Variants in HS1BP3 observed in about 807,000 individuals in gnomAD.
HS1BP3 encodes HCLS1 binding protein 3.
HS1BP3 carries 32 observed loss-of-function variants against 33.5 expected under a neutral mutation model. The ratio of observed to expected loss-of-function variants is 0.95; its 90% CI spans 0.72 to 1.28. HS1BP3 has a LOEUF of 1.28. Among genes scored for constraint, HS1BP3 ranks in the 50% most tolerant of loss-of-function variants. The pLI is 0.00. For synonymous variants in HS1BP3, 187 were observed against 209.2 expected (o/e 0.89, Z 0.92); for missense variants, 486 against 502.3 (o/e 0.97, Z 0.31).
At chr2:20,571,446 A>G (rs1693271576) in intron 5 of HS1BP3, among the ~76,000 whole-genome samples, 1 of 151,528 alleles carries the variant, frequency 6.6e-6, no homozygotes, top group South Asian at 2.1e-4. Context: ...CCTGCCGAAC[A>G]CTCCCCACAT....
intron 2 of HS1BP3, among the ~76,000 whole-genome samples, chr2:20,601,417 C>T (rs193155034): frequency 3.0e-4 from 45 of 152,270 alleles, no homozygotes; most frequent in African/African-American, 1.1e-3. Context: ...ACTAAGAGAA[C>T]GCAGATCTGA....
At chr2:20,578,922 C>G (rs1693464359) in intron 5 of HS1BP3, among the ~76,000 whole-genome samples, 1 of 152,230 alleles carries the variant, frequency 6.6e-6, no homozygotes. Flanking sequence ...TTAAAAATAG[C>G]CTCAGTACTA....
intron 5 of HS1BP3, among the ~76,000 whole-genome samples, chr2:20,563,335 C>T (rs1693048611): frequency 6.6e-6 from 1 of 152,242 alleles, no homozygotes; most frequent in African/African-American, 2.4e-5. Flanking sequence ...CCCTTGGTTC[C>T]CAGTGCAGGC....
chr2:20,624,091 G>T (rs1188778456), intron 5 of HS1BP3, 60 bp from the exon 6 acceptor site: 2 of 1,568,298 alleles, frequency 1.3e-6, no homozygotes, highest in Non-Finnish European at 1.7e-6. Flanking sequence ...TGCCATGGCT[G>T]CTCTCTCTCT....
chr2:20,571,527 T>C (rs1039780766), intron 5 of HS1BP3, among the ~76,000 whole-genome samples: 4 of 152,100 alleles, frequency 2.6e-5, no homozygotes, highest in Non-Finnish European at 5.9e-5. Context: ...CCTCCAAAGG[T>C]CATTGGCCAA....
chr2:20,604,603 G>GGAGT (rs1273300418), intron 2 of HS1BP3, among the ~76,000 whole-genome samples: 2 of 152,204 alleles, frequency 1.3e-5, no homozygotes, highest in African/African-American at 2.4e-5. Flanking sequence ...ACAAATCTGT[G>GGAGT]GAGTAGACAT....
Position 20,625,062 on chromosome 2 carries a change from G to T in HS1BP3, c.624-170C>A, listed in dbSNP as rs1358217074. On this transcript the variant is annotated intron_variant, in intron 4 of 6. Coordinates refer to ENST00000304031, the MANE Select transcript of HS1BP3 (RefSeq NM_022460.4). ...GTCCTGGAGGGGGCCACCCAGAGCAGTCCAGGCAGGTGGAGCTGAAGTCTT... is the reference window on the plus strand; with the variant it reads ...GTCCTGGAGGGGGCCACCCAGAGCATTCCAGGCAGGTGGAGCTGAAGTCTT... 3.9e-5 allele frequency among the ~76,000 whole-genome samples: 6 copies of T among 152,368 alleles called. No homozygotes were observed. In the East Asian group the frequency reaches 1.2e-3, roughly 29 times the overall value.
intron 4 of HS1BP3, chr2:20,637,249 C>T (rs1227418564): frequency 6.6e-6 from 1 of 152,254 alleles, no homozygotes; most frequent in Non-Finnish European, 1.5e-5. Context: ...TGTGGTTACT[C>T]AGAACAACAG....
intron 2 of HS1BP3, among the ~76,000 whole-genome samples, chr2:20,610,677 G>A (rs545156823): frequency 6.6e-6 from 1 of 152,302 alleles, no homozygotes; most frequent in African/African-American, 2.4e-5. Flanking sequence ...GAATCAAGCT[G>A]CTATAAGCAT....
downstream of HS1BP3, among the ~76,000 whole-genome samples, chr2:20,616,589 C>CAGT (rs1161131866): frequency 8.5e-5 from 13 of 152,282 alleles, no homozygotes; most frequent in East Asian, 2.5e-3. Context: ...CTTGGCTGTG[C>CAGT]AGTTACTGGC....
intron 2 of HS1BP3, among the ~76,000 whole-genome samples, chr2:20,643,475 C>T (rs1169581300): frequency 2.0e-5 from 3 of 152,214 alleles, no homozygotes; most frequent in Non-Finnish European, 4.4e-5. Context: ...CTGCAAAGCA[C>T]CCTGTAAAGC....
intron 3 of HS1BP3, among the ~76,000 whole-genome samples, chr2:20,639,110 G>T (rs1695259773): frequency 6.6e-6 from 1 of 152,274 alleles, no homozygotes; most frequent in Admixed American, 6.5e-5. Context: ...AAGGAACTCT[G>T]CAGACAGAGA....
At chr2:20,558,418 C>T (rs1692893266), downstream of HS1BP3, among the ~76,000 whole-genome samples, 1 of 152,116 alleles carries the variant, frequency 6.6e-6, no homozygotes, top group Non-Finnish European at 1.5e-5. Flanking sequence ...CATTCATCTG[C>T]ACCCTCCCTT....
intron 5 of HS1BP3, among the ~76,000 whole-genome samples, chr2:20,575,767 C>A (rs58322186): frequency 7.3e-5 from 11 of 150,406 alleles, no homozygotes; most frequent in Middle Eastern, 3.4e-3. Context: ...TCCACCCCCC[C>A]CCCCCCCTTC....
At chr2:20,640,790 A>G (rs1484139846) in intron 3 of HS1BP3, 183 bp downstream of exon 3, 9 of 642,478 alleles carry the variant, frequency 1.4e-5, no homozygotes, top group Non-Finnish European at 2.5e-5. Flanking sequence ...CAGTCCCTCA[A>G]GGGTAGGCCT....
At chr2:20,575,970 C>T (rs1343833344) in intron 5 of HS1BP3, among the ~76,000 whole-genome samples, 1 of 152,030 alleles carries the variant, frequency 6.6e-6, no homozygotes, top group Non-Finnish European at 1.5e-5. Flanking sequence ...AAACCTGTCC[C>T]ACCCATTTCC....
Position 20,600,355 on chromosome 2 carries a change from G to A in HS1BP3, c.179-2090C>T, listed in dbSNP as rs140998183. Among the ~76,000 whole-genome samples, 11 of 152,262 alleles carry A rather than the reference G, an allele frequency of 7.2e-5. No individual in the cohort carries two copies. In the East Asian group the frequency reaches 1.9e-3, roughly 27 times the overall value. On this transcript the variant is annotated intron_variant, in intron 2 of 3. Transcript: ENST00000415264. The stretch of plus-strand genomic sequence containing the variant: ...GGTCAGACAAAGAGGGATTAATAGA[G>A]CCCTGTTCTCGTTAAACCACAAAGC...
chr2:20,592,445 G>C (rs1027368682), downstream of HS1BP3: 1 of 162,092 alleles, frequency 6.2e-6, no homozygotes, highest in African/African-American at 2.5e-5. Flanking sequence ...GTGACTCCCC[G>C]ACAGCTCTGT....
chr2:20,603,088 G>T (rs1159700617), intron 2 of HS1BP3, among the ~76,000 whole-genome samples: 1 of 152,200 alleles, frequency 6.6e-6, no homozygotes. Context: ...AATTGTTAGG[G>T]AGGAGGTGGA....
Sources: gnomAD v4.1 joint callset for allele counts (sites outside exome capture counted in the v4.1 genomes callset) on GRCh38, gnomAD v4.1.1 for gene constraint, MANE v1.5 for transcripts, NCBI Gene and HGNC (gene_info 2026-07-23, HGNC 2026-07-21) for gene names.